Variants in SLCO3A1 observed in about 807,000 individuals in gnomAD.
The protein encoded by SLCO3A1 is PGE1 transporter.
In SLCO3A1, 27 loss-of-function variants were observed where a neutral mutation model predicts 63.1. The observed-to-expected ratio is 0.43, with a 90% CI of 0.32 to 0.59. SLCO3A1 has a LOEUF of 0.59. Among genes scored for constraint, SLCO3A1 ranks in the 20% least tolerant of loss-of-function variants. The pLI, the probability that SLCO3A1 is intolerant of heterozygous loss-of-function variation, is 0.09. For missense variants in SLCO3A1, 773 were observed against 945.8 expected, an observed-to-expected ratio of 0.82 and a Z score of 2.40; for synonymous variants, 473 against 409.9, an observed-to-expected ratio of 1.15 and a Z score of -1.86.
rs536021310 is a variant in SLCO3A1, at chr15:91,853,920, G to A, written c.12G>A (p.Lys4=). 1.4e-4 allele frequency: 201 copies of A among 1,441,206 alleles called. No homozygotes were observed. In the East Asian group the frequency reaches 4.6e-3, roughly 33 times the overall value. The allele number at this position is 1,441,206 out of a possible 1,614,324, so 89.3% of individuals were successfully genotyped here. A position where few individuals can be genotyped will look rare whatever the true frequency, so the allele number is the denominator to read the frequency against. Residue 4 remains lysine, a synonymous_variant, in exon 1 of 10, where the codon AAG becomes AAA. Coordinates refer to ENST00000318445, the MANE Select transcript of SLCO3A1 (RefSeq NM_013272.4). MQG[K]KPGGSSGGGR... is the part of the protein sequence containing the mutation. ...GCGGCGGGGGAAGGATGCAGGGGAA[G>A]AAGCCGGGCGGTTCGTCGGGCGGCG... is the stretch of plus-strand genomic sequence containing the variant.
chr15:92,065,374 C>T (rs942862497), intron 2 of SLCO3A1, among the ~76,000 whole-genome samples: 3 of 152,318 alleles, frequency 2.0e-5, no homozygotes, highest in Middle Eastern at 6.8e-3. Flanking sequence ...AGGTGTGAGC[C>T]ACCACACCCG....
intron 1 of SLCO3A1, among the ~76,000 whole-genome samples, chr15:91,874,469 G>C (rs1306839630): frequency 2.0e-5 from 3 of 152,132 alleles, no homozygotes; most frequent in African/African-American, 7.2e-5. Context: ...CTATGATTCT[G>C]ACTACCCTAG....
chr15:92,000,915 G>A (rs548450977), intron 2 of SLCO3A1, among the ~76,000 whole-genome samples: 4 of 152,266 alleles, frequency 2.6e-5, no homozygotes, highest in African/African-American at 9.6e-5. Context: ...TGAGTCTGGG[G>A]TAGTTGGAGG....
chr15:91,857,502 A>G (rs1170556712), intron 1 of SLCO3A1, among the ~76,000 whole-genome samples: 1 of 151,666 alleles, frequency 6.6e-6, no homozygotes, highest in African/African-American at 2.4e-5. Flanking sequence ...TGTATGGAAC[A>G]GAGAATGCAA....
intron 7 of SLCO3A1, among the ~76,000 whole-genome samples, chr15:92,141,172 C>T (rs1216416217): frequency 1.3e-5 from 2 of 152,164 alleles, no homozygotes; most frequent in African/African-American, 2.4e-5. Flanking sequence ...GGATGCCAAG[C>T]AGAGAATTCA....
intron 8 of SLCO3A1, chr15:92,148,846 AAT>A (rs1250307954): frequency 6.6e-6 from 1 of 152,310 alleles, no homozygotes; most frequent in Admixed American, 6.5e-5. Context: ...AGCTCCATGG[AAT>A]AATGAAAATT....
At chr15:91,935,948 TATC>T (rs1899397566) in intron 2 of SLCO3A1, among the ~76,000 whole-genome samples, 2 of 152,228 alleles carry the variant, frequency 1.3e-5, no homozygotes, top group African/African-American at 4.8e-5. Flanking sequence ...TTGCACAGCT[TATC>T]ATGGAGAGAG....
At chr15:92,057,003 A>T (rs996237507) in intron 2 of SLCO3A1, among the ~76,000 whole-genome samples, 2 of 152,228 alleles carry the variant, frequency 1.3e-5, no homozygotes, top group Non-Finnish European at 2.9e-5. Flanking sequence ...ATACATTCCC[A>T]AACATCTCAA....
chr15:92,119,379 C>T (rs1014669389), intron 4 of SLCO3A1, among the ~76,000 whole-genome samples: 3 of 152,134 alleles, frequency 2.0e-5, no homozygotes, highest in Non-Finnish European at 4.4e-5. Context: ...TCCTGCTTTC[C>T]GGCTCTGTCA....
chr15:91,943,945 G>A (rs535196772), intron 2 of SLCO3A1, among the ~76,000 whole-genome samples: 3 of 152,210 alleles, frequency 2.0e-5, no homozygotes, highest in South Asian at 2.1e-4. Context: ...AGCATCCCTC[G>A]GTGGGTCCCT....
At chr15:92,155,855 T>A (rs2048364398) in intron 9 of SLCO3A1, among the ~76,000 whole-genome samples, 2 of 152,076 alleles carry the variant, frequency 1.3e-5, no homozygotes, top group South Asian at 4.1e-4. Context: ...AAACAATAGA[T>A]CAAGTGTCTC....
At chr15:92,067,519 C>T (rs372942829) in intron 2 of SLCO3A1, among the ~76,000 whole-genome samples, 2 of 152,334 alleles carry the variant, frequency 1.3e-5, no homozygotes, top group East Asian at 3.9e-4. Flanking sequence ...ATGCACTAGA[C>T]TTCTTACACA....
intron 1 of SLCO3A1, among the ~76,000 whole-genome samples, chr15:91,876,559 A>G (rs1470576512): frequency 2.6e-5 from 4 of 152,226 alleles, no homozygotes; most frequent in Non-Finnish European, 5.9e-5. Flanking sequence ...ATCTCCTATA[A>G]TTAAGCACAA....
At chr15:92,048,523 A>C (rs1482778709) in intron 2 of SLCO3A1, among the ~76,000 whole-genome samples, 1 of 152,144 alleles carries the variant, frequency 6.6e-6, no homozygotes, top group Admixed American at 6.5e-5. Context: ...AATGTTTAGC[A>C]GTGTCCCTGG....
chr15:92,160,151 G>T (rs145336156), intron 9 of SLCO3A1, among the ~76,000 whole-genome samples: 1 of 151,980 alleles, frequency 6.6e-6, no homozygotes, highest in Admixed American at 6.5e-5. Flanking sequence ...GGAGCATTTG[G>T]GAGCTAATCA....
At chr15:92,122,571 C>T (rs2047875611) in intron 5 of SLCO3A1, among the ~76,000 whole-genome samples, 1 of 152,206 alleles carries the variant, frequency 6.6e-6, no homozygotes, top group Admixed American at 6.5e-5. Context: ...ATGGGTGCTG[C>T]CACTTTGGAA....
At chr15:92,071,094 G>A (rs1469366891) in intron 2 of SLCO3A1, among the ~76,000 whole-genome samples, 1 of 152,212 alleles carries the variant, frequency 6.6e-6, no homozygotes, top group Non-Finnish European at 1.5e-5. Context: ...CTGGGAATTT[G>A]TTAAGTACAA....
intron 1 of SLCO3A1, chr15:91,889,304 C>T (rs1192079155): frequency 1.3e-5 from 6 of 466,454 alleles, no homozygotes; most frequent in Non-Finnish European, 2.1e-5. Flanking sequence ...ACCTGTAGGC[C>T]TCTGCTATCT....
At chr15:91,981,841 G>GC (rs1597185045) in intron 2 of SLCO3A1, among the ~76,000 whole-genome samples, 1 of 152,212 alleles carries the variant, frequency 6.6e-6, no homozygotes, top group African/African-American at 2.4e-5. Context: ...CAGACACAGT[G>GC]CCCAGTGAGT....
Sources: allele counts gnomAD v4.1 joint callset (sites outside exome capture counted in the v4.1 genomes callset), GRCh38; gene constraint gnomAD v4.1.1; transcripts MANE v1.5; gene names NCBI Gene and HGNC (gene_info 2026-07-23, HGNC 2026-07-21).